Variants in CCDC91 observed in about 807,000 individuals in gnomAD.
CCDC91 encodes the protein coiled-coil domain-containing protein 91.
In CCDC91, 48 loss-of-function variants were observed where a neutral mutation model predicts 63.2. The observed-to-expected ratio is 0.76, with a 90% CI of 0.60 to 0.97. The LOEUF (loss-of-function observed/expected upper bound fraction) is 0.97. Ranked by LOEUF, CCDC91 falls within the 50% of genes least tolerant of loss-of-function variation. The pLI is 0.00. For missense variants in CCDC91, 500 were observed against 494.6 expected, an observed-to-expected ratio of 1.01 and a Z score of -0.10; for synonymous variants, 167 against 165.8, an observed-to-expected ratio of 1.01 and a Z score of -0.06.
chr12:28,209,755 A>G (rs914166773), intron 1 of CCDC91, among the ~76,000 whole-genome samples: 28 of 152,344 alleles, frequency 1.8e-4, no homozygotes, highest in Non-Finnish European at 2.8e-4. Flanking sequence ...ACACTTTCAC[A>G]ACTTGTTTAA....
chr12:28,245,264 T>C (rs1565664584), intron 1 of CCDC91, among the ~76,000 whole-genome samples: 1 of 152,034 alleles, frequency 6.6e-6, no homozygotes, highest in Non-Finnish European at 1.5e-5. Context: ...CTTATCAGAT[T>C]AGCAAGGAAA....
chr12:28,194,521 C>T (rs999253641), intron 1 of CCDC91, among the ~76,000 whole-genome samples: 1 of 152,178 alleles, frequency 6.6e-6, no homozygotes, highest in Non-Finnish European at 1.5e-5. Flanking sequence ...AGGAGCAAAG[C>T]CACAGACCTT....
chr12:28,293,753 G>T (rs1949387871), intron 3 of CCDC91, among the ~76,000 whole-genome samples: 1 of 151,562 alleles, frequency 6.6e-6, no homozygotes, highest in African/African-American at 2.4e-5. Context: ...CCAGGAGATG[G>T]GGTCTTGGTC....
At chr12:28,425,084 G>A (rs1948234291) in intron 8 of CCDC91, among the ~76,000 whole-genome samples, 1 of 152,002 alleles carries the variant, frequency 6.6e-6, no homozygotes, top group Admixed American at 6.6e-5. Flanking sequence ...ATTTCAAAAG[G>A]CTTTATTTAG....
At chr12:28,305,840 A>G (rs747374951) in intron 4 of CCDC91, 34 bp downstream of exon 4, 16 of 1,538,074 alleles carry the variant, frequency 1.0e-5, no homozygotes, top group Non-Finnish European at 1.4e-5. Flanking sequence ...GGAGGTTTGC[A>G]TATTTAAAAA....
chr12:28,260,707 G>T (rs1246967860), intron 3 of CCDC91, among the ~76,000 whole-genome samples: 1 of 151,912 alleles, frequency 6.6e-6, no homozygotes, highest in African/African-American at 2.4e-5. Flanking sequence ...TAAATGTGGG[G>T]CATAGTATCT....
At chr12:28,338,399 A>G (rs1942162312) in intron 6 of CCDC91, among the ~76,000 whole-genome samples, 1 of 151,784 alleles carries the variant, frequency 6.6e-6, no homozygotes, top group African/African-American at 2.4e-5. Context: ...TACATGTGCC[A>G]TGTAGGTGTG....
chr12:28,525,465 G>T (rs146079218), intron 12 of CCDC91, among the ~76,000 whole-genome samples: 2,455 of 152,144 alleles, frequency 0.016, 26 homozygotes, highest in South Asian at 0.028. Context: ...CTGAGAGAGT[G>T]CTTGATATAA....
chr12:28,289,009 C>T (rs1215789773), intron 3 of CCDC91, among the ~76,000 whole-genome samples: 2 of 152,030 alleles, frequency 1.3e-5, no homozygotes, highest in Non-Finnish European at 2.9e-5. Context: ...CTTTGTATTC[C>T]TGTGTGGTCA....
chr12:28,444,638 T>C (rs150822442), intron 8 of CCDC91, among the ~76,000 whole-genome samples: 2 of 152,170 alleles, frequency 1.3e-5, no homozygotes, highest in African/African-American at 4.8e-5. Context: ...TAAGAACTCA[T>C]GAATACAAAG....
chr12:28,291,905 A>G (rs1197446915), intron 3 of CCDC91, among the ~76,000 whole-genome samples: 5 of 152,058 alleles, frequency 3.3e-5, no homozygotes, highest in Non-Finnish European at 7.4e-5. Flanking sequence ...GTTGTTGTCA[A>G]CTTCCAATGG....
At chr12:28,464,027 T>C (rs779757901) in intron 11 of CCDC91, among the ~76,000 whole-genome samples, 18 of 152,142 alleles carry the variant, frequency 1.2e-4, no homozygotes, top group Non-Finnish European at 2.4e-4. Context: ...AGTGTCTCTC[T>C]GCCCTGGGGA....
chr12:28,500,359 T>G (rs1937657131), intron 12 of CCDC91, among the ~76,000 whole-genome samples: 1 of 152,074 alleles, frequency 6.6e-6, no homozygotes, highest in Non-Finnish European at 1.5e-5. Flanking sequence ...TAGATCCCAT[T>G]TGTCAATTTT....
intron 6 of CCDC91, among the ~76,000 whole-genome samples, chr12:28,347,185 A>G (rs1942869537): frequency 6.6e-6 from 1 of 152,200 alleles, no homozygotes; most frequent in East Asian, 1.9e-4. Context: ...CAGATTTCCT[A>G]TCAATCTTCT....
intron 11 of CCDC91, among the ~76,000 whole-genome samples, chr12:28,473,939 G>A (rs1258181538): frequency 2.6e-5 from 4 of 150,998 alleles, no homozygotes; most frequent in Non-Finnish European, 4.4e-5. Context: ...TGATCCACTC[G>A]GAAATTTAAT....
rs7980631 is a variant in CCDC91, at chr12:28,508,594, A to G, written c.1215+24429A>G. ...CTCCTTTTATTGATCAGGATCAATT[A>G]CCTTTGCTTTATTTCCCTGTATAGC... On this transcript the variant is annotated intron_variant, in intron 12 of 12. Coordinates refer to ENST00000536442, the MANE Select transcript of CCDC91 (RefSeq NM_018318.5). Among the ~76,000 whole-genome samples, 1,216 of 151,986 alleles carry G rather than the reference A, an allele frequency of 8.0e-3. 8 individuals carry two copies. The highest frequency in any genetic ancestry group is 0.014 in the South Asian group (66 of 4,816).
intron 6 of CCDC91, among the ~76,000 whole-genome samples, chr12:28,317,823 A>G (rs2137333958): frequency 6.6e-6 from 1 of 151,972 alleles, no homozygotes; most frequent in Non-Finnish European, 1.5e-5. Context: ...TTTTTTAATC[A>G]GTATTTGCAC....
intron 10 of CCDC91, 52 bp downstream of exon 10, chr12:28,450,470 T>C: frequency 4.9e-6 from 6 of 1,216,470 alleles, no homozygotes; most frequent in Non-Finnish European, 6.1e-6. Context: ...AATTAAAAAA[T>C]GGAATATATT....
intron 3 of CCDC91, among the ~76,000 whole-genome samples, chr12:28,289,828 A>G (rs947254819): frequency 6.6e-6 from 1 of 150,924 alleles, no homozygotes; most frequent in Admixed American, 6.6e-5. Flanking sequence ...AGTAGCTGGG[A>G]CTACAGATGC....
Sources: gnomAD v4.1 joint callset for allele counts (sites outside exome capture counted in the v4.1 genomes callset) on GRCh38, gnomAD v4.1.1 for gene constraint, MANE v1.5 for transcripts, NCBI Gene and HGNC (gene_info 2026-07-23, HGNC 2026-07-21) for gene names.